Variants in LIG1 observed in about 807,000 individuals in gnomAD.
LIG1 encodes the protein DNA ligase 1, also known as ligase I, DNA, ATP-dependent.
LIG1 carries 70 observed loss-of-function variants against 115.7 expected under a neutral mutation model. The ratio of observed to expected loss-of-function variants is 0.60; its 90% confidence interval spans 0.50 to 0.74. The LOEUF (loss-of-function observed/expected upper bound fraction) is 0.74, where lower values mean the gene tolerates loss of function less well. Among genes scored for constraint, LIG1 ranks in the 30% least tolerant of loss-of-function variants. The pLI, the probability that LIG1 is intolerant of heterozygous loss-of-function variation, is 0.00. For synonymous variants in LIG1, 487 were observed against 495.3 expected, an observed-to-expected ratio of 0.98 and a Z score of 0.22; for missense variants, 1,115 against 1,225.6, an observed-to-expected ratio of 0.91 and a Z score of 1.35.
chr19:48,128,047 G>T, intron 19 of LIG1, 27 bp from the exon 20 acceptor site: 1 of 1,560,472 alleles, frequency 6.4e-7, no homozygotes. Context: ...GAGACCCAGG[G>T]CCTGAGAGAG....
intron 6 of LIG1, among the ~76,000 whole-genome samples, 190 bp downstream of exon 6, chr19:48,153,682 A>ACC (rs1367698938): frequency 7.4e-6 from 1 of 135,438 alleles, no homozygotes; most frequent in Non-Finnish European, 1.6e-5. Flanking sequence ...ACACACACAC[A>ACC]CACACACACC....
chr19:48,136,161 T>G, intron 14 of LIG1, 36 bp from the exon 15 acceptor site: 1 of 1,476,916 alleles, frequency 6.8e-7, no homozygotes, highest in Non-Finnish European at 9.3e-7. Context: ...GGGGCTTGTC[T>G]GCACCTCCCC....
intron 5 of LIG1, among the ~76,000 whole-genome samples, chr19:48,155,515 C>A (rs1398939698): frequency 6.6e-6 from 1 of 152,150 alleles, no homozygotes; most frequent in East Asian, 1.9e-4. Context: ...GCCATCACCT[C>A]CCCTGGGCTG....
chr19:48,124,529 C>T (rs962470343), intron 21 of LIG1, among the ~76,000 whole-genome samples: 6 of 152,194 alleles, frequency 3.9e-5, no homozygotes, highest in African/African-American at 1.2e-4. Flanking sequence ...CAAGTTCAAT[C>T]GGAGATGTGC....
intron 2 of LIG1, among the ~76,000 whole-genome samples, chr19:48,165,047 T>C (rs1939901695): frequency 1.3e-5 from 2 of 152,058 alleles, no homozygotes; most frequent in South Asian, 2.1e-4. Flanking sequence ...GATCACGAGG[T>C]CAGGAGTTTG....
At chr19:48,169,514 C>CT (rs2036656852) in intron 1 of LIG1, 2 of 152,504 alleles carry the variant, frequency 1.3e-5, no homozygotes, top group Non-Finnish European at 2.9e-5. Flanking sequence ...AGCTCCATCC[C>CT]TTTATCAAGC....
chr19:48,168,501 C>A (rs1331390399), intron 1 of LIG1, among the ~76,000 whole-genome samples: 2 of 152,136 alleles, frequency 1.3e-5, no homozygotes, highest in African/African-American at 2.4e-5. Flanking sequence ...TGGAGGACCA[C>A]CTGGCGTCTC....
chr19:48,154,030 G>A lies in LIG1; in HGVS notation c.371-63C>T. ...GGCTCGTGTGCTCCCATCCCGGAGA[G>A]CTCACACCCACTGATGTAGCCTCTG... On this transcript the variant is annotated intron_variant, in intron 5 of 27. Coordinates refer to ENST00000263274, the MANE Select transcript of LIG1 (RefSeq NM_000234.3). 2.2e-6 allele frequency: 3 copies of A among 1,360,246 alleles called. No homozygotes were observed. In the South Asian group the frequency reaches 3.5e-5, roughly 16 times the overall value. 84.3% of individuals were successfully genotyped at this position (1,360,246 alleles called of 1,614,324 possible).
In LIG1 at chr19:48,126,963, T is replaced by C; in HGVS notation, c.2004+314A>G. ...CATTATTTTACACTTTTGCAAATCC[T>C]CTAATATCTGGCTTAACAGAGGCTG... On this transcript the variant is annotated intron_variant, in intron 21 of 27. Transcript: ENST00000263274. The C allele has an allele frequency of 8.1e-6, 3 of 369,848 alleles. No individual in the cohort carries two copies. The South Asian group carries it at 8.5e-5, about 10-fold the overall frequency. The allele number at this position is 369,848 out of a possible 1,614,324, so 22.9% of individuals were successfully genotyped here.
chr19:48,156,792 T>C (rs1434018604), intron 5 of LIG1, among the ~76,000 whole-genome samples: 1 of 151,744 alleles, frequency 6.6e-6, no homozygotes, highest in African/African-American at 2.4e-5. Flanking sequence ...AATACAAAAA[T>C]TAGCCAGGCA....
Position 48,137,557 on chromosome 19 carries a change from T to C in LIG1, c.1219A>G (p.Lys407Glu). 6.2e-7 allele frequency: 1 copy of C among 1,613,442 alleles called. No homozygotes were observed. Among genetic ancestry groups the C allele is most frequent in the Non-Finnish European group, 8.5e-7 (1 of 1,179,990 alleles). Residue 407 changes from lysine to glutamate, a missense_variant, in exon 13 of 28, where the codon AAG becomes GAG. Physicochemically the swap from Lys to Glu is moderately conservative, Grantham distance 56. Coordinates refer to ENST00000263274, the MANE Select transcript of LIG1 (RefSeq NM_000234.3). The surrounding 1 kb of genome is among the most constrained non-coding windows in gnomAD (Gnocchi z 4.3). ...GTGAGCCTGGCGATGTCGCGGAACT[T>C]GCTGAAGACCCCGGAGGCAGTGAGC... ...PPLTASGVFS[K>E]FRDIARLTGS...
chr19:48,155,134 A>G (rs552739200), intron 5 of LIG1, among the ~76,000 whole-genome samples: 1 of 152,184 alleles, frequency 6.6e-6, no homozygotes, highest in African/African-American at 2.4e-5. Flanking sequence ...GCATGCCCTC[A>G]GCCACACTGT....
chr19:48,131,845 T>C (rs1289473126), intron 18 of LIG1, among the ~76,000 whole-genome samples: 2 of 152,162 alleles, frequency 1.3e-5, no homozygotes, highest in African/African-American at 4.8e-5. Context: ...TGTCAAGAAA[T>C]CATTGTCACT....
chr19:48,151,067 AT>A (rs1198622132), intron 7 of LIG1, among the ~76,000 whole-genome samples, 164 bp downstream of exon 7: 1 of 151,858 alleles, frequency 6.6e-6, no homozygotes, highest in Non-Finnish European at 1.5e-5. Context: ...AAAAATAATA[AT>A]TAAAAAAAAA....
intron 2 of LIG1, 151 bp downstream of exon 2, chr19:48,165,399 C>T: frequency 1.4e-6 from 1 of 730,332 alleles, no homozygotes; most frequent in Non-Finnish European, 2.5e-6. Flanking sequence ...TCCCACGGCT[C>T]ATTTTCCATA....
At chr19:48,133,410 G>A (rs184561753) in intron 17 of LIG1, 3 of 404,692 alleles carry the variant, frequency 7.4e-6, no homozygotes, top group African/African-American at 6.1e-5. Flanking sequence ...GAACAGGGAA[G>A]TGAGCCACAT....
intron 9 of LIG1, among the ~76,000 whole-genome samples, chr19:48,146,880 C>T (rs986736778): frequency 3.3e-5 from 5 of 152,180 alleles, no homozygotes; most frequent in Non-Finnish European, 7.3e-5. Flanking sequence ...CTGGCCCTAC[C>T]CCCACCTCCC....
intron 4 of LIG1, among the ~76,000 whole-genome samples, chr19:48,159,664 G>A (rs142747047): frequency 7.2e-5 from 11 of 152,302 alleles, no homozygotes; most frequent in African/African-American, 2.6e-4. Context: ...AGGGTGAGAT[G>A]TGGCCACAGA....
At chr19:48,151,447 G>T in intron 6 of LIG1, 108 bp from the exon 7 acceptor site, 1 of 773,726 alleles carries the variant, frequency 1.3e-6, no homozygotes, top group South Asian at 1.4e-5. Context: ...TCTTTTTTTT[G>T]AGACAGAGTT....
Sources: allele counts gnomAD v4.1 joint callset (sites outside exome capture counted in the v4.1 genomes callset), GRCh38; gene constraint gnomAD v4.1.1; non-coding constraint Gnocchi (gnomAD v3.1); transcripts MANE v1.5; gene names NCBI Gene and HGNC (gene_info 2026-07-23, HGNC 2026-07-21).